The following MED31 variants were observed in gnomAD, a reference collection of about 807,000 sequenced individuals.
MED31 encodes the protein mediator complex subunit 31.
Under a neutral mutation model 22.0 loss-of-function variants are expected in MED31, and 11 were observed. The ratio of observed to expected loss-of-function variants is 0.50; its 90% CI spans 0.31 to 0.83. The LOEUF is 0.83. Among genes scored for constraint, MED31 ranks in the 40% least tolerant of loss-of-function variants. MED31 has a pLI of 0.04. For missense variants in MED31, 122 were observed against 155.3 expected (o/e 0.79, Z 1.14); for synonymous variants, 60 against 55.1 (o/e 1.09, Z -0.40).
At chr17:6,651,479 C>T in intron 1 of MED31, 22 bp downstream of exon 1, 1 of 1,614,128 alleles carries the variant, frequency 6.2e-7, no homozygotes, top group Non-Finnish European at 8.5e-7. Context: ...TGCGAAGACT[C>T]CAAGATCAGA....
At chr17:6,650,539 G>T in intron 1 of MED31, 106 bp from the exon 2 acceptor site, 1 of 1,010,732 alleles carries the variant, frequency 9.9e-7, no homozygotes, top group Non-Finnish European at 1.5e-6. Context: ...TGTTGAGATG[G>T]TCTTCCTAAA....
At chr17:6,651,422 T>TG in intron 1 of MED31, 79 bp downstream of exon 1, 1 of 1,584,988 alleles carries the variant, frequency 6.3e-7, no homozygotes, top group East Asian at 2.2e-5. Flanking sequence ...GAGTAAGGCC[T>TG]GGAAGGAGGC....
chr17:6,646,388 G>A (rs146016930), intron 3 of MED31, among the ~76,000 whole-genome samples: 2 of 152,306 alleles, frequency 1.3e-5, no homozygotes, highest in Admixed American at 1.3e-4. Flanking sequence ...GGAAGTGTGG[G>A]GAAAAGAGAT....
chr17:6,647,131 C>T (rs1474932494), intron 3 of MED31, among the ~76,000 whole-genome samples: 1 of 152,210 alleles, frequency 6.6e-6, no homozygotes. Context: ...CTGACCTTCT[C>T]GCCACCTGTT....
chr17:6,644,456 T>C lies in MED31; in HGVS notation c.*11A>G. 6 of 1,584,484 alleles carry C rather than the reference T, an allele frequency of 3.8e-6. No individual in the cohort carries two copies. The South Asian group carries it at 4.6e-5, about 12-fold the overall frequency. Reference sequence around the variant, plus strand: ...ATACATGTATTAAGTGCCTCGTTTGTATCCAGTTTTTCATTTTCCCGATGT... The same window carrying C: ...ATACATGTATTAAGTGCCTCGTTTGCATCCAGTTTTTCATTTTCCCGATGT... On this transcript the variant is annotated 3_prime_UTR_variant, in exon 4 of 4. Coordinates refer to ENST00000225728, the MANE Select transcript of MED31 (RefSeq NM_016060.3).
chr17:6,646,411 G>A (rs1360607200), intron 3 of MED31, among the ~76,000 whole-genome samples: 1 of 152,178 alleles, frequency 6.6e-6, no homozygotes, highest in Non-Finnish European at 1.5e-5. Flanking sequence ...GATTGTTCCT[G>A]TGTCTACGTA....
Position 6,651,547 on chromosome 17 carries a change from A to G in MED31, c.-19T>C. 1.2e-6 allele frequency: 2 copies of G among 1,613,952 alleles called. No homozygotes were observed. Among genetic ancestry groups the G allele is most frequent in the Non-Finnish European group, 8.5e-7 (1 of 1,179,920 alleles). On this transcript the variant is annotated 5_prime_UTR_variant, in exon 1 of 4. Coordinates refer to ENST00000225728, the MANE Select transcript of MED31 (RefSeq NM_016060.3). Reference sequence around the variant, plus strand: ...CGGCCATAACAAACGAAGACACCAAAACGCCACCAGCCTGACAGAGCAAAA... The same window carrying G: ...CGGCCATAACAAACGAAGACACCAAGACGCCACCAGCCTGACAGAGCAAAA...
In MED31 at chr17:6,651,013, T is replaced by C. The variant is rs373966572; in HGVS notation, c.28+488A>G. Among the ~76,000 whole-genome samples, 48 of 148,634 alleles carry C rather than the reference T, an allele frequency of 3.2e-4. No homozygotes were observed. In the East Asian group the frequency reaches 9.3e-3, roughly 29 times the overall value. On this transcript the variant is annotated intron_variant, in intron 1 of 3. Coordinates refer to ENST00000225728, the MANE Select transcript of MED31 (RefSeq NM_016060.3). ...GCGGGCTCCTGTAGTCCCAGCTACT[T>C]GAGAGGCTGAGGCAGGAGAATGGCG...
At position 6,651,522 on chromosome 17, in the gene MED31, C is replaced by T; in HGVS notation, c.7G>A (p.Ala3Thr). The stretch of plus-strand genomic sequence containing the variant: ...TCACCTGTCTCCATAGCGACAGCAG[C>T]GGCCATAACAAACGAAGACACCAAA... MA[A>T]AVAMETDDAG... Residue 3 changes from alanine to threonine, a missense_variant, in exon 1 of 4, where the codon GCT becomes ACT. Coordinates refer to ENST00000225728, the MANE Select transcript of MED31 (RefSeq NM_016060.3). 1.9e-6 allele frequency: 3 copies of T among 1,614,098 alleles called. No individual in the cohort carries two copies. The South Asian group carries it at 3.3e-5, about 18-fold the overall frequency.
In MED31 at chr17:6,644,428, T is replaced by C. The variant is rs1340237883; in HGVS notation, c.*39A>G. The C allele has an allele frequency of 6.5e-7, 1 of 1,529,958 alleles. No homozygotes were observed. Among genetic ancestry groups the C allele is most frequent in the Non-Finnish European group, 8.7e-7 (1 of 1,143,080 alleles). The allele number at this position is 1,529,958 out of a possible 1,614,324, so 94.8% of individuals were successfully genotyped here. On this transcript the variant is annotated 3_prime_UTR_variant, in exon 4 of 4. Coordinates refer to ENST00000225728, the MANE Select transcript of MED31 (RefSeq NM_016060.3). ...TCTTCACTGTACAAAAGAAATACAT[T>C]ATATACATGTATTAAGTGCCTCGTT...
In MED31 at chr17:6,644,278, TC is replaced by T. The variant is rs1972735974; in HGVS notation, c.*188del. ...AACACCTTACAAATCCACAGGGAAA[TC>T]AAAGAACAATTCAGGTTTAACAGAA... On this transcript the variant is annotated 3_prime_UTR_variant, in exon 4 of 4. Coordinates refer to ENST00000225728, the MANE Select transcript of MED31 (RefSeq NM_016060.3). The T allele has an allele frequency of 1.6e-6, 1 of 606,942 alleles. No individual in the cohort carries two copies. The highest frequency in any genetic ancestry group is 2.6e-6 in the Non-Finnish European group (1 of 390,642). The allele number at this position is 606,942 out of a possible 1,614,324, so 37.6% of individuals were successfully genotyped here.
Position 6,643,822 on chromosome 17 carries a change from G to T in MED31, c.*645C>A, listed in dbSNP as rs1972728055. The T allele has an allele frequency of 3.2e-6, 1 of 312,842 alleles. No individual in the cohort carries two copies. Among genetic ancestry groups the T allele is most frequent in the South Asian group, 1.6e-4 (1 of 6,288 alleles). 19.4% of individuals were successfully genotyped at this position (312,842 alleles called of 1,614,324 possible). A position where few individuals can be genotyped will look rare whatever the true frequency, so the allele number is the denominator to read the frequency against. ...TTCCCAAATGAACACAAGTATTTGA[G>T]GCTCCTCATGTTTGTTCTAAAGTCA... On this transcript the variant is annotated 3_prime_UTR_variant, in exon 4 of 4. Transcript: ENST00000225728.
intron 2 of MED31, 116 bp downstream of exon 2, chr17:6,650,240 T>C: frequency 7.9e-7 from 1 of 1,264,996 alleles, no homozygotes; most frequent in Non-Finnish European, 1.1e-6. Context: ...TATACCAGCA[T>C]AAGTGTAATG....
At chr17:6,648,964 A>G (rs55708549) in intron 3 of MED31, among the ~76,000 whole-genome samples, 12,663 of 152,236 alleles carry the variant, frequency 0.083, 571 homozygotes, top group Non-Finnish European at 0.11. Flanking sequence ...GTTGAAGTCT[A>G]CTTTTCTTAA....
At chr17:6,650,585 C>A in intron 1 of MED31, 152 bp from the exon 2 acceptor site, 1 of 615,334 alleles carries the variant, frequency 1.6e-6, no homozygotes, top group Non-Finnish European at 2.8e-6. Flanking sequence ...CCTTCGAAAT[C>A]TAAGAAAAGC....
chr17:6,644,233 C>A lies in MED31; in HGVS notation c.*234G>T. 1.9e-6 allele frequency: 1 copy of A among 528,762 alleles called. No homozygotes were observed. Among genetic ancestry groups the A allele is most frequent in the Non-Finnish European group, 3.1e-6 (1 of 318,328 alleles). The allele number at this position is 528,762 out of a possible 1,614,324, so 32.8% of individuals were successfully genotyped here. A position where few individuals can be genotyped will look rare whatever the true frequency, so the allele number is the denominator to read the frequency against. On this transcript the variant is annotated 3_prime_UTR_variant, in exon 4 of 4. Coordinates refer to ENST00000225728, the MANE Select transcript of MED31 (RefSeq NM_016060.3). ...TTCCATTCTTAATCAGCTGATTATG[C>A]TAAATGCGTAAAAAAGAAAAACACC...
At position 6,651,572 on chromosome 17, in the gene MED31, A is replaced by G. The variant is rs768602523; in HGVS notation, c.-44T>C. On this transcript the variant is annotated 5_prime_UTR_variant, in exon 1 of 4. Coordinates refer to ENST00000225728, the MANE Select transcript of MED31 (RefSeq NM_016060.3). ...AACGCCACCAGCCTGACAGAGCAAA[A>G]GCCCAGAGACGCGGGCGAAGTTCCG... 2 of 1,613,290 alleles carry G rather than the reference A, an allele frequency of 1.2e-6. No individual in the cohort carries two copies. Among genetic ancestry groups the G allele is most frequent in the African/African-American group, 1.3e-5 (1 of 75,022 alleles).
chr17:6,651,318 C>T, intron 1 of MED31, 183 bp downstream of exon 1: 2 of 846,512 alleles, frequency 2.4e-6, no homozygotes, highest in Non-Finnish European at 1.8e-6. Flanking sequence ...GATGTGCGAA[C>T]AAACCAAATC....
In MED31 at chr17:6,644,369, T is replaced by A; in HGVS notation, c.*98A>T. ...CTAAAGGTTCTAGGGGCTACCATAA[T>A]AAAGGTAGATAGGAAGAGTTTTCAT... On this transcript the variant is annotated 3_prime_UTR_variant, in exon 4 of 4. Transcript: ENST00000225728. The A allele has an allele frequency of 7.2e-7, 1 of 1,395,108 alleles. No individual in the cohort carries two copies. The highest frequency in any genetic ancestry group is 1.5e-5 in the African/African-American group (1 of 68,962). 86.4% of individuals were successfully genotyped at this position (1,395,108 alleles called of 1,614,324 possible).
Sources: allele counts gnomAD v4.1 joint callset (sites outside exome capture counted in the v4.1 genomes callset), GRCh38; gene constraint gnomAD v4.1.1; transcripts MANE v1.5; gene names NCBI Gene and HGNC (gene_info 2026-07-23, HGNC 2026-07-21).